Variants in XKR4 observed in about 807,000 individuals in gnomAD.
XKR4 encodes XK related 4, also known as XK-related protein 4.
In XKR4, 12 loss-of-function variants were observed where a neutral mutation model predicts 53.9. The observed-to-expected ratio is 0.22, with a 90% confidence interval of 0.14 to 0.36. XKR4 has a LOEUF of 0.36. Ranked by LOEUF, XKR4 falls within the 10% of genes least tolerant of loss-of-function variation. The pLI is 1.00. For missense variants in XKR4, 799 were observed against 859.5 expected (o/e 0.93, Z 0.88); for synonymous variants, 354 against 362.4 (o/e 0.98, Z 0.26).
intron 1 of XKR4, among the ~76,000 whole-genome samples, chr8:55,146,433 C>A (rs1372759726): frequency 6.6e-6 from 1 of 152,096 alleles, no homozygotes; most frequent in Non-Finnish European, 1.5e-5. Flanking sequence ...TACAAAGTAC[C>A]ATATTTTCTA....
chr8:55,185,013 C>A (rs561638145), intron 1 of XKR4, among the ~76,000 whole-genome samples: 2 of 152,268 alleles, frequency 1.3e-5, no homozygotes, highest in East Asian at 3.9e-4. Flanking sequence ...TAACCTTATA[C>A]CATTTGAGGT....
At chr8:55,187,941 T>A (rs924587893) in intron 1 of XKR4, among the ~76,000 whole-genome samples, 1 of 152,250 alleles carries the variant, frequency 6.6e-6, no homozygotes, top group Admixed American at 6.5e-5. Flanking sequence ...ATTTAAAGAT[T>A]GAGTTTTCTC....
chr8:55,520,654 G>GTA (rs1047895111), intron 2 of XKR4, among the ~76,000 whole-genome samples: 4 of 152,190 alleles, frequency 2.6e-5, no homozygotes, highest in African/African-American at 9.7e-5. Context: ...CATAAAGAGG[G>GTA]TATCACAGGG....
chr8:55,206,017 C>T (rs1290690887), intron 1 of XKR4, among the ~76,000 whole-genome samples: 1 of 152,086 alleles, frequency 6.6e-6, no homozygotes, highest in Non-Finnish European at 1.5e-5. Flanking sequence ...TTAAAGGTGG[C>T]GCGTCTGGAG....
intron 2 of XKR4, among the ~76,000 whole-genome samples, chr8:55,475,284 G>A (rs1805961557): frequency 6.6e-6 from 1 of 152,098 alleles, no homozygotes; most frequent in Non-Finnish European, 1.5e-5. Context: ...CCAGGGTTGT[G>A]GGCAGGTGAG....
At chr8:55,459,944 A>T (rs537597661) in intron 2 of XKR4, among the ~76,000 whole-genome samples, 1 of 152,216 alleles carries the variant, frequency 6.6e-6, no homozygotes, top group African/African-American at 2.4e-5. Context: ...AAGAGAAATG[A>T]AATATGTCTA....
intron 2 of XKR4, among the ~76,000 whole-genome samples, chr8:55,493,015 A>G (rs984451824): frequency 2.6e-5 from 4 of 152,108 alleles, no homozygotes; most frequent in Non-Finnish European, 4.4e-5. Flanking sequence ...TATGCCAACA[A>G]TGACTCTTTG....
intron 1 of XKR4, among the ~76,000 whole-genome samples, chr8:55,186,977 G>A (rs1016626624): frequency 6.6e-6 from 1 of 151,884 alleles, no homozygotes; most frequent in Non-Finnish European, 1.5e-5. Context: ...TCTTAGTTGC[G>A]CTATTTTTTT....
intron 1 of XKR4, among the ~76,000 whole-genome samples, chr8:55,294,247 T>G (rs902766611): frequency 3.9e-5 from 6 of 152,218 alleles, no homozygotes; most frequent in African/African-American, 1.4e-4. Flanking sequence ...AAAGACTTAA[T>G]TTAAATTTTA....
chr8:55,293,441 T>C (rs1050804154), intron 1 of XKR4, among the ~76,000 whole-genome samples: 64 of 152,248 alleles, frequency 4.2e-4, no homozygotes, highest in African/African-American at 1.5e-3. Context: ...TTAAAAAATA[T>C]TTCTTATAAA....
intron 1 of XKR4, among the ~76,000 whole-genome samples, chr8:55,241,399 TAA>T (rs940337576): frequency 4.2e-4 from 64 of 152,170 alleles, no homozygotes; most frequent in African/African-American, 1.5e-3. Context: ...TTAAAGTGAA[TAA>T]GAGTTATTTT....
At chr8:55,436,856 G>A (rs1256246396) in intron 2 of XKR4, among the ~76,000 whole-genome samples, 1 of 152,126 alleles carries the variant, frequency 6.6e-6, no homozygotes, top group Non-Finnish European at 1.5e-5. Flanking sequence ...ATATCACAGA[G>A]GGCCCGGTAG....
intron 1 of XKR4, among the ~76,000 whole-genome samples, chr8:55,317,428 G>T (rs935627636): frequency 8.6e-5 from 13 of 151,960 alleles, no homozygotes; most frequent in African/African-American, 2.7e-4. Context: ...GTTTTTTGGG[G>T]TAAAGCTTTG....
At chr8:55,466,200 C>A (rs1056278483) in intron 2 of XKR4, among the ~76,000 whole-genome samples, 1 of 152,026 alleles carries the variant, frequency 6.6e-6, no homozygotes, top group Non-Finnish European at 1.5e-5. Flanking sequence ...ATGTTTATTG[C>A]GGCACTATTC....
At chr8:55,519,209 A>C (rs1401961901) in intron 2 of XKR4, among the ~76,000 whole-genome samples, 2 of 152,214 alleles carry the variant, frequency 1.3e-5, no homozygotes, top group African/African-American at 4.8e-5. Context: ...TCACATTTTA[A>C]GAGATAATAT....
intron 2 of XKR4, among the ~76,000 whole-genome samples, chr8:55,358,362 G>T (rs2129384429): frequency 6.6e-6 from 1 of 151,670 alleles, no homozygotes; most frequent in East Asian, 1.9e-4. Flanking sequence ...AAAAGGAAAT[G>T]GTACAGATTA....
chr8:55,487,474 T>G (rs1585601529), intron 2 of XKR4, among the ~76,000 whole-genome samples: 1 of 151,406 alleles, frequency 6.6e-6, no homozygotes, highest in African/African-American at 2.4e-5. Context: ...TTTCTTTTTT[T>G]TTTTTTCTTG....
chr8:55,194,322 C>T (rs1817479038), intron 1 of XKR4, among the ~76,000 whole-genome samples: 1 of 152,200 alleles, frequency 6.6e-6, no homozygotes, highest in Non-Finnish European at 1.5e-5. Flanking sequence ...GGCCAGGCCT[C>T]CCTCTCTGGC....
chr8:55,237,447 G>A (rs988675585), intron 1 of XKR4, among the ~76,000 whole-genome samples: 2 of 152,192 alleles, frequency 1.3e-5, no homozygotes, highest in African/African-American at 4.8e-5. Context: ...ATACAGAAGA[G>A]AAAATATACT....
Sources: allele counts gnomAD v4.1 joint callset (sites outside exome capture counted in the v4.1 genomes callset), GRCh38; gene constraint gnomAD v4.1.1; transcripts MANE v1.5; gene names NCBI Gene and HGNC (gene_info 2026-07-23, HGNC 2026-07-21).